GPC5: variants seen among roughly 807,000 people sequenced by gnomAD.
GPC5 encodes the protein glypican 5.
Under a neutral mutation model 53.9 loss-of-function variants are expected in GPC5, and 47 were observed. That is an observed-to-expected ratio of 0.87 (90% CI 0.69 to 1.11). GPC5 has a LOEUF of 1.11. Among genes scored for constraint, GPC5 ranks in the 50% most tolerant of loss-of-function variants. GPC5 has a pLI of 0.00. For synonymous variants in GPC5, 286 were observed against 263.3 expected (o/e 1.09, Z -0.84); for missense variants, 748 against 713.1 (o/e 1.05, Z -0.56).
intron 6 of GPC5, among the ~76,000 whole-genome samples, chr13:91,998,915 C>T (rs983995094): frequency 6.6e-6 from 1 of 152,164 alleles, no homozygotes; most frequent in Non-Finnish European, 1.5e-5. Flanking sequence ...GCCTTATTGA[C>T]CTAATAGCAC....
chr13:92,728,283 TAGG>T, intron 7 of GPC5, among the ~76,000 whole-genome samples: 1 of 151,562 alleles, frequency 6.6e-6, no homozygotes, highest in Non-Finnish European at 1.5e-5. Context: ...GTTTCAGCCC[TAGG>T]ATGACCTTAA....
At chr13:92,038,703 T>C (rs2040917333) in intron 6 of GPC5, among the ~76,000 whole-genome samples, 1 of 151,640 alleles carries the variant, frequency 6.6e-6, no homozygotes, top group Non-Finnish European at 1.5e-5. Context: ...GATAGATAGA[T>C]AGATAGATAG....
intron 6 of GPC5, among the ~76,000 whole-genome samples, chr13:91,992,640 T>C (rs1218613200): frequency 1.3e-5 from 2 of 151,626 alleles, no homozygotes; most frequent in Non-Finnish European, 2.9e-5. Context: ...GTATTTTTAG[T>C]AGAGATGGAG....
chr13:92,271,440 AC>A (rs1465374772), intron 7 of GPC5, among the ~76,000 whole-genome samples: 1 of 152,204 alleles, frequency 6.6e-6, no homozygotes, highest in East Asian at 1.9e-4. Flanking sequence ...TTTTCCATGA[AC>A]CAGAGTCTTT....
At chr13:91,933,959 C>A (rs1031857620) in intron 6 of GPC5, among the ~76,000 whole-genome samples, 2 of 151,758 alleles carry the variant, frequency 1.3e-5, no homozygotes, top group African/African-American at 2.4e-5. Context: ...TTAAATATCT[C>A]TGGAAACAAG....
intron 7 of GPC5, among the ~76,000 whole-genome samples, chr13:92,430,121 A>T (rs1877019697): frequency 6.6e-6 from 1 of 152,094 alleles, no homozygotes; most frequent in Non-Finnish European, 1.5e-5. Flanking sequence ...AATTTAGAAA[A>T]AAAAATTTAA....
At chr13:92,312,117 A>C (rs2043148835) in intron 7 of GPC5, among the ~76,000 whole-genome samples, 1 of 152,170 alleles carries the variant, frequency 6.6e-6, no homozygotes, top group Admixed American at 6.6e-5. Context: ...TGAGGAGATA[A>C]GATTTACTTT....
intron 2 of GPC5, among the ~76,000 whole-genome samples, chr13:91,621,854 G>T (rs1301699701): frequency 6.7e-6 from 1 of 149,310 alleles, no homozygotes; most frequent in Admixed American, 6.7e-5. Context: ...TATGCCAACT[G>T]CAAGCTGAAG....
intron 7 of GPC5, among the ~76,000 whole-genome samples, chr13:92,203,447 T>C (rs989073340): frequency 3.4e-5 from 4 of 116,726 alleles, no homozygotes; most frequent in African/African-American, 1.4e-4. Flanking sequence ...TGAGATCACA[T>C]GGACACAGGA....
intron 7 of GPC5, chr13:92,340,063 A>G (rs1392053700): frequency 6.6e-6 from 1 of 152,172 alleles, no homozygotes; most frequent in Non-Finnish European, 1.5e-5. Flanking sequence ...ACTAAGATGT[A>G]TGTTTAAATA....
chr13:92,175,525 C>T (rs1261468368), intron 7 of GPC5, among the ~76,000 whole-genome samples: 1 of 152,098 alleles, frequency 6.6e-6, no homozygotes, highest in Non-Finnish European at 1.5e-5. Context: ...AGCTGAATTG[C>T]TTTCAGTTTT....
At chr13:92,416,195 T>C (rs1055763420) in intron 7 of GPC5, among the ~76,000 whole-genome samples, 6 of 152,204 alleles carry the variant, frequency 3.9e-5, no homozygotes, top group African/African-American at 1.4e-4. Flanking sequence ...AAAATTTAGA[T>C]TGACATTTGT....
At chr13:91,503,939 A>G (rs1721061880) in intron 2 of GPC5, among the ~76,000 whole-genome samples, 1 of 151,704 alleles carries the variant, frequency 6.6e-6, no homozygotes, top group African/African-American at 2.4e-5. Flanking sequence ...TGATGTAAAA[A>G]TATGTAAATA....
intron 7 of GPC5, among the ~76,000 whole-genome samples, chr13:92,704,975 G>C (rs905293654): frequency 6.6e-6 from 1 of 150,810 alleles, no homozygotes; most frequent in African/African-American, 2.4e-5. Flanking sequence ...TTCTAAGTAA[G>C]ATCTTTAATG....
At chr13:91,814,006 C>T (rs1272320715) in intron 5 of GPC5, among the ~76,000 whole-genome samples, 1 of 136,644 alleles carries the variant, frequency 7.3e-6, no homozygotes, top group African/African-American at 2.8e-5. Context: ...GATCTCGGCT[C>T]ACTGCAACCT....
At chr13:92,159,503 T>C (rs953972312) in intron 7 of GPC5, among the ~76,000 whole-genome samples, 4 of 151,828 alleles carry the variant, frequency 2.6e-5, no homozygotes, top group African/African-American at 9.7e-5. Context: ...AGCATACTTC[T>C]CTTCCAAATC....
At chr13:91,531,807 C>T (rs927902340) in intron 2 of GPC5, among the ~76,000 whole-genome samples, 4 of 152,150 alleles carry the variant, frequency 2.6e-5, no homozygotes, top group Admixed American at 6.5e-5. Context: ...CACTTTTATT[C>T]AGTTTCACTG....
chr13:91,947,473 C>T (rs757637364), intron 6 of GPC5, among the ~76,000 whole-genome samples: 3 of 152,058 alleles, frequency 2.0e-5, no homozygotes, highest in Non-Finnish European at 4.4e-5. Flanking sequence ...CTCCAGTTTT[C>T]GACTTCATAA....
At chr13:92,553,345 T>A (rs1056977805) in intron 7 of GPC5, among the ~76,000 whole-genome samples, 1 of 151,968 alleles carries the variant, frequency 6.6e-6, no homozygotes, top group Non-Finnish European at 1.5e-5. Flanking sequence ...ATTACTTTAG[T>A]CCTCATAATT....
Sources: gnomAD v4.1 joint callset for allele counts (sites outside exome capture counted in the v4.1 genomes callset) on GRCh38, gnomAD v4.1.1 for gene constraint, MANE v1.5 for transcripts, NCBI Gene and HGNC (gene_info 2026-07-23, HGNC 2026-07-21) for gene names.